SLC43A3: variants seen among roughly 807,000 people sequenced by gnomAD.
The protein encoded by SLC43A3 is equilibrative nucleobase transporter 1.
In SLC43A3, 33 loss-of-function variants were observed where a neutral mutation model predicts 53.3. The observed-to-expected ratio is 0.62, with a 90% CI of 0.47 to 0.83. SLC43A3 has a LOEUF of 0.83. Ranked by LOEUF, SLC43A3 falls within the 40% of genes least tolerant of loss-of-function variation. The probability of loss-of-function intolerance (pLI) is 0.00; values close to 1 mark genes in which losing one functional copy is unlikely to be tolerated. For synonymous variants in SLC43A3, 236 were observed against 246.2 expected, an observed-to-expected ratio of 0.96 and a Z score of 0.39; for missense variants, 530 against 610.0, an observed-to-expected ratio of 0.87 and a Z score of 1.38.
Position 57,414,672 on chromosome 11 carries a change from T to A in SLC43A3, c.1003A>T (p.Asn335Tyr). Residue 335 changes from asparagine to tyrosine, a missense_variant, in exon 11 of 14, where the codon AAT becomes TAT. Around this residue, in one of 3 missense-constraint regions of SLC43A3, gnomAD observed 376 missense variants for 386.7 expected, o/e 0.97. Coordinates refer to ENST00000395124, the MANE Select transcript of SLC43A3 (RefSeq NM_199329.3). ...TQFGVLCAPWNGLLMDRLKQK... is the reference protein window; with the variant it reads ...TQFGVLCAPWYGLLMDRLKQK... ...TTAAGCCGGTCCATGAGCAGGCCAT[T>A]CCAGGGGGCACACAGCACTCCGAAC... The A allele has an allele frequency of 6.2e-7, 1 of 1,614,088 alleles. No individual in the cohort carries two copies. Among genetic ancestry groups the A allele is most frequent in the Non-Finnish European group, 8.5e-7 (1 of 1,180,004 alleles).
intron 11 of SLC43A3, among the ~76,000 whole-genome samples, chr11:57,412,097 T>A (rs1024162646): frequency 6.6e-6 from 1 of 152,110 alleles, no homozygotes; most frequent in Non-Finnish European, 1.5e-5. Flanking sequence ...CATTTCCAAT[T>A]AAAGAAACCC....
At chr11:57,420,220 C>T (rs1942923956) in intron 7 of SLC43A3, among the ~76,000 whole-genome samples, 1 of 152,226 alleles carries the variant, frequency 6.6e-6, no homozygotes, top group African/African-American at 2.4e-5. Context: ...ATCCTCACAC[C>T]ACAACATTCA....
chr11:57,421,204 C>G (rs1942970980), intron 6 of SLC43A3, 93 bp downstream of exon 6: 6 of 1,309,624 alleles, frequency 4.6e-6, no homozygotes, highest in Non-Finnish European at 6.5e-6. Context: ...TGGGCCAACC[C>G]CATCTGAGGC....
chr11:57,423,870 T>A (rs1218979827), intron 5 of SLC43A3, 112 bp downstream of exon 5: 2 of 836,784 alleles, frequency 2.4e-6, no homozygotes, highest in East Asian at 4.9e-5. Context: ...GCTGCAGATC[T>A]CTGAATAACC....
chr11:57,408,843 G>A lies in SLC43A3; in HGVS notation c.1371+332C>T, dbSNP rs1942321850. On this transcript the variant is annotated intron_variant, in intron 13 of 13. Transcript: ENST00000395124. ...TCCCTCCAGGTGTAAGGACACAGAG[G>A]TGAAAGCACAGAGGTCCTGTCCCTG... 3 of 276,432 alleles carry A rather than the reference G, an allele frequency of 1.1e-5. No homozygotes were observed. In the East Asian group the frequency reaches 2.6e-4, roughly 24 times the overall value. 17.1% of individuals were successfully genotyped at this position (276,432 alleles called of 1,614,324 possible). A position where few individuals can be genotyped will look rare whatever the true frequency, so the allele number is the denominator to read the frequency against.
At chr11:57,410,849 A>G (rs1371478427) in intron 11 of SLC43A3, among the ~76,000 whole-genome samples, 2 of 152,196 alleles carry the variant, frequency 1.3e-5, no homozygotes, top group Admixed American at 1.3e-4. Context: ...GTGATAGTGA[A>G]TAAATCTCAC....
At chr11:57,412,887 GGCT>G (rs889030863) in intron 11 of SLC43A3, among the ~76,000 whole-genome samples, 18 of 151,800 alleles carry the variant, frequency 1.2e-4, no homozygotes, top group Non-Finnish European at 1.8e-4. Context: ...GATCATTAAT[GGCT>G]CCTAAAATCA....
chr11:57,412,921 A>T (rs1942545982), intron 11 of SLC43A3, among the ~76,000 whole-genome samples: 1 of 152,120 alleles, frequency 6.6e-6, no homozygotes, highest in Non-Finnish European at 1.5e-5. Flanking sequence ...GGTTGATGGG[A>T]AACTTTATAG....
At position 57,423,653 on chromosome 11, in the gene SLC43A3, C is replaced by G. The variant is rs148936821; in HGVS notation, c.361+329G>C. The G allele has an allele frequency of 9.8e-3, 2,067 of 210,296 alleles. 48 individuals are homozygous for G. The highest frequency in any genetic ancestry group is 0.044 in the African/African-American group (1,927 of 43,924). The allele number at this position is 210,296 out of a possible 1,614,324, so 13.0% of individuals were successfully genotyped here. ...CCATGTTGGCCAGGCTGGTCTTGAA[C>G]TCCTGACCTCAGATGATCCACCCGC... On this transcript the variant is annotated intron_variant, in intron 5 of 13. Transcript: ENST00000395124.
chr11:57,421,029 G>A lies in SLC43A3; in HGVS notation c.474C>T (p.Ile158=), dbSNP rs1415392826. The A allele has an allele frequency of 2.5e-6, 4 of 1,613,804 alleles. No homozygotes were observed. The Admixed American group carries it at 5.0e-5, about 20-fold the overall frequency. ...CAAATGCTCCATTGTACAGAGTGAT[G>A]ATGGTCGAACGGTGTTGGCCAAATA... is the stretch of plus-strand genomic sequence containing the variant. ...GNLFGQHRST[I]ITLYNGAFDS... is the part of the protein sequence containing the mutation. Residue 158 remains isoleucine (I), a synonymous_variant, in exon 7 of 14, where the codon ATC becomes ATT. Coordinates refer to ENST00000395124, the MANE Select transcript of SLC43A3 (RefSeq NM_199329.3).
intron 11 of SLC43A3, among the ~76,000 whole-genome samples, chr11:57,412,543 G>T (rs1412740630): frequency 6.6e-6 from 1 of 152,122 alleles, no homozygotes; most frequent in Non-Finnish European, 1.5e-5. Context: ...CTTTTGGCCA[G>T]GGGCAGTGGC....
At chr11:57,408,281 G>A (rs1942293234) in intron 13 of SLC43A3, 1 of 193,080 alleles carries the variant, frequency 5.2e-6, no homozygotes, top group African/African-American at 2.3e-5. Context: ...TACTCTTTTG[G>A]CCATGCACAG....
intron 2 of SLC43A3, 56 bp from the exon 3 acceptor site, chr11:57,426,408 T>C: frequency 9.1e-6 from 5 of 551,736 alleles, no homozygotes; most frequent in Non-Finnish European, 1.6e-5. Flanking sequence ...AAGGGAAAGG[T>C]AGACTAGAGT....
At chr11:57,425,748 C>T in intron 3 of SLC43A3, 78 bp from the exon 4 acceptor site, 1 of 1,588,274 alleles carries the variant, frequency 6.3e-7, no homozygotes, top group Non-Finnish European at 8.6e-7. Flanking sequence ...CCCTCCACCT[C>T]AGACAGCTTG....
chr11:57,417,863 G>A lies in SLC43A3; in HGVS notation c.556C>T (p.Leu186Phe). ...IKLLYEKGIS[L>F]RASFIFISVC... ...GAGATGAAGATGAAGGAGGCCCTGAGGCTGATGCCTTTTTCATAAAGAAGC... is the reference window on the plus strand; with the variant it reads ...GAGATGAAGATGAAGGAGGCCCTGAAGCTGATGCCTTTTTCATAAAGAAGC... The change falls in exon 8 of 14, where the codon CTC (leucine) becomes TTC (phenylalanine). Residue 186 changes from leucine (L) to phenylalanine (F), a missense_variant. Leu to Phe is a conservative substitution (Grantham distance 22). Coordinates refer to ENST00000395124, the MANE Select transcript of SLC43A3 (RefSeq NM_199329.3). The A allele has an allele frequency of 6.2e-7, 1 of 1,614,158 alleles. No individual in the cohort carries two copies. The highest frequency in any genetic ancestry group is 8.5e-7 in the Non-Finnish European group (1 of 1,180,022).
chr11:57,414,006 C>T (rs770400189), intron 11 of SLC43A3, among the ~76,000 whole-genome samples: 15 of 152,200 alleles, frequency 9.9e-5, no homozygotes, highest in Non-Finnish European at 1.9e-4. Flanking sequence ...CTTTGTGCCC[C>T]CCATGGCCCC....
intron 7 of SLC43A3, among the ~76,000 whole-genome samples, chr11:57,418,568 C>T (rs139436423): frequency 1.3e-3 from 192 of 152,054 alleles, no homozygotes; most frequent in African/African-American, 4.2e-3. Flanking sequence ...TGATGGTGCA[C>T]GCCTGTAATT....
intron 11 of SLC43A3, among the ~76,000 whole-genome samples, chr11:57,411,133 T>C (rs2134977534): frequency 6.6e-6 from 1 of 152,172 alleles, no homozygotes; most frequent in East Asian, 1.9e-4. Flanking sequence ...GGAAAAGGGG[T>C]ACAAGAAACA....
chr11:57,415,432 G>A (rs1373679349), intron 9 of SLC43A3: 1 of 1,334,086 alleles, frequency 7.5e-7, no homozygotes, highest in Non-Finnish European at 9.8e-7. Context: ...GAACGACAAG[G>A]AGAGGAGAAA....
Sources: allele counts gnomAD v4.1 joint callset (sites outside exome capture counted in the v4.1 genomes callset), GRCh38; gene constraint gnomAD v4.1.1; regional missense constraint gnomAD v4.1.1; transcripts MANE v1.5; gene names NCBI Gene and HGNC (gene_info 2026-07-23, HGNC 2026-07-21).